The following GIGYF2 variants were observed in gnomAD, a reference collection of about 807,000 sequenced individuals.
The protein encoded by GIGYF2 is GRB10 interacting GYF protein 2.
GIGYF2 carries 25 observed loss-of-function variants against 208.1 expected under a neutral mutation model. The observed-to-expected ratio is 0.12, with a 90% CI of 0.09 to 0.17. The LOEUF (loss-of-function observed/expected upper bound fraction) is 0.17, where lower values mean the gene tolerates loss of function less well. GIGYF2 is among the 10% of genes least tolerant of loss of function. GIGYF2 has a pLI of 1.00. For missense variants in GIGYF2, 1,302 were observed against 1,579.4 expected, an observed-to-expected ratio of 0.82 and a Z score of 2.98; for synonymous variants, 534 against 543.8, an observed-to-expected ratio of 0.98 and a Z score of 0.25.
intron 2 of GIGYF2, among the ~76,000 whole-genome samples, chr2:232,732,885 C>T (rs751583467): frequency 1.3e-5 from 2 of 152,222 alleles, no homozygotes; most frequent in African/African-American, 4.8e-5. Flanking sequence ...CCACCTTGGC[C>T]TCCCAAAGTG....
chr2:232,840,067 G>A (rs1371809970), intron 23 of GIGYF2, 96 bp downstream of exon 23: 37 of 1,274,314 alleles, frequency 2.9e-5, no homozygotes, highest in Non-Finnish European at 4.1e-5. Flanking sequence ...ATTACTGTCA[G>A]AATTGTTGTG....
In GIGYF2 at chr2:232,858,145, G is replaced by T; in HGVS notation, c.*1285G>T. The T allele has an allele frequency of 4.7e-6, 1 of 211,792 alleles. No homozygotes were observed. The highest frequency in any genetic ancestry group is 9.4e-6 in the Non-Finnish European group (1 of 106,508). 13.1% of individuals were successfully genotyped at this position (211,792 alleles called of 1,614,324 possible). ...TTCCTGCCTCCACCAAACCCCTACA[G>T]AACATCACCTGGAATTGCCACTCAC... On this transcript the variant is annotated 3_prime_UTR_variant, in exon 29 of 29. Transcript: ENST00000373563.
intron 14 of GIGYF2, among the ~76,000 whole-genome samples, chr2:232,797,906 A>G (rs1700274726): frequency 6.8e-6 from 1 of 147,734 alleles, no homozygotes; most frequent in African/African-American, 2.5e-5. Context: ...ACTTGAACCC[A>G]GGAGGCGGAG....
At chr2:232,729,640 A>G (rs1428902315) in intron 2 of GIGYF2, 7 of 1,090,702 alleles carry the variant, frequency 6.4e-6, no homozygotes, top group Non-Finnish European at 8.2e-6. Flanking sequence ...AACGTATTTG[A>G]AGTTTCTTAA....
intron 22 of GIGYF2, among the ~76,000 whole-genome samples, chr2:232,839,480 G>A (rs1034739713): frequency 5.9e-5 from 9 of 151,982 alleles, no homozygotes; most frequent in Admixed American, 5.2e-4. Context: ...TGTTGCTTTC[G>A]TCAATTAAAA....
chr2:232,713,013 A>G (rs1050195591), intron 2 of GIGYF2, among the ~76,000 whole-genome samples: 5 of 152,088 alleles, frequency 3.3e-5, no homozygotes, highest in African/African-American at 1.2e-4. Flanking sequence ...GTGTCTGTTG[A>G]GCGCTTGAGA....
chr2:232,799,259 A>G (rs781751341), intron 14 of GIGYF2, among the ~76,000 whole-genome samples: 21 of 151,906 alleles, frequency 1.4e-4, no homozygotes, highest in Non-Finnish European at 2.8e-4. Context: ...TAATGTTGCT[A>G]TGGGCCAGGT....
At position 232,857,198 on chromosome 2, in the gene GIGYF2, C is replaced by A; in HGVS notation, c.*338C>A. 1 of 398,236 alleles carries A rather than the reference C, an allele frequency of 2.5e-6. No homozygotes were observed. Among genetic ancestry groups the A allele is most frequent in the Non-Finnish European group, 4.6e-6 (1 of 216,698 alleles). The allele number at this position is 398,236 out of a possible 1,614,324, so 24.7% of individuals were successfully genotyped here. A position where few individuals can be genotyped will look rare whatever the true frequency, so the allele number is the denominator to read the frequency against. On this transcript the variant is annotated 3_prime_UTR_variant, in exon 29 of 29. Coordinates refer to ENST00000373563, the MANE Select transcript of GIGYF2 (RefSeq NM_001103146.3). ...AAAGTGTGTTGGGATCGGCCATTAG[C>A]AGCTTGCTTTCTCTTGTCACTTTTT...
intron 8 of GIGYF2, among the ~76,000 whole-genome samples, chr2:232,764,785 T>C (rs1276757909): frequency 1.3e-5 from 2 of 152,342 alleles, no homozygotes; most frequent in Admixed American, 6.5e-5. Flanking sequence ...ATAGCCTGGT[T>C]TTAACTGTTC....
At chr2:232,846,938 C>G (rs1441017245) in intron 26 of GIGYF2, among the ~76,000 whole-genome samples, 2 of 152,190 alleles carry the variant, frequency 1.3e-5, no homozygotes, top group African/African-American at 4.8e-5. Context: ...TGATTTCTCT[C>G]TAAAAAATCT....
chr2:232,708,915 A>G (rs935766977), intron 2 of GIGYF2, among the ~76,000 whole-genome samples: 5 of 149,570 alleles, frequency 3.3e-5, no homozygotes, highest in Admixed American at 1.3e-4. Context: ...TGAGGTCAAG[A>G]GTCAGGACCA....
intron 28 of GIGYF2, among the ~76,000 whole-genome samples, chr2:232,852,747 T>C (rs1690406093): frequency 6.6e-6 from 1 of 152,174 alleles, no homozygotes; most frequent in Non-Finnish European, 1.5e-5. Context: ...GGTGAATAGA[T>C]TTTAAAACAT....
At chr2:232,705,664 C>T (rs527380246) in intron 2 of GIGYF2, 1 of 152,290 alleles carries the variant, frequency 6.6e-6, no homozygotes, top group Non-Finnish European at 1.5e-5. Context: ...CTTGGCCTCC[C>T]AAAGTACTGG....
intron 2 of GIGYF2, among the ~76,000 whole-genome samples, chr2:232,726,648 T>G (rs1697216373): frequency 6.6e-6 from 1 of 152,046 alleles, no homozygotes; most frequent in South Asian, 2.1e-4. Flanking sequence ...TCCTATAGCT[T>G]TTGAGGATTT....
intron 2 of GIGYF2, among the ~76,000 whole-genome samples, chr2:232,720,579 A>ATTTTT (rs1449256988): frequency 6.7e-4 from 81 of 121,272 alleles, no homozygotes; most frequent in Admixed American, 2.0e-3. Context: ...ATATATATAT[A>ATTTTT]TATATTTTTG....
At chr2:232,775,364 A>G (rs1699467850) in intron 8 of GIGYF2, among the ~76,000 whole-genome samples, 1 of 152,216 alleles carries the variant, frequency 6.6e-6, no homozygotes. Context: ...GAATTATGAT[A>G]ATAAGATTTC....
At chr2:232,840,539 CATTCAT>C (rs1701784516) in intron 23 of GIGYF2, among the ~76,000 whole-genome samples, 4 of 152,114 alleles carry the variant, frequency 2.6e-5, no homozygotes, top group Non-Finnish European at 5.9e-5. Context: ...TTCATTCATT[CATTCAT>C]TCATTCATTC....
chr2:232,856,728 C>A (rs1020749111), intron 28 of GIGYF2, 65 bp from the exon 29 acceptor site: 1 of 946,536 alleles, frequency 1.1e-6, no homozygotes, highest in Non-Finnish European at 1.8e-6. Context: ...TCCAGCTCAC[C>A]GCCTAGAATT....
chr2:232,722,163 T>TC (rs1180226244), intron 2 of GIGYF2, among the ~76,000 whole-genome samples: 2 of 152,194 alleles, frequency 1.3e-5, no homozygotes, highest in Non-Finnish European at 2.9e-5. Flanking sequence ...CAGATTAGCT[T>TC]CCCTCTTGTA....
Sources: allele counts gnomAD v4.1 joint callset (sites outside exome capture counted in the v4.1 genomes callset), GRCh38; gene constraint gnomAD v4.1.1; transcripts MANE v1.5; gene names NCBI Gene and HGNC (gene_info 2026-07-23, HGNC 2026-07-21).